PDE4D: variants seen among roughly 807,000 people sequenced by gnomAD.
The protein encoded by PDE4D is phosphodiesterase 4D, also known as 3',5'-cyclic-AMP phosphodiesterase 4D.
In PDE4D, 24 loss-of-function variants were observed where a neutral mutation model predicts 87.4. That is an observed-to-expected ratio of 0.27 (90% CI 0.20 to 0.39). PDE4D has a LOEUF of 0.39. Ranked by LOEUF, PDE4D falls within the 10% of genes least tolerant of loss-of-function variation. The pLI is 1.00. For synonymous variants in PDE4D, 384 were observed against 383.2 expected, an observed-to-expected ratio of 1.00 and a Z score of -0.02; for missense variants, 714 against 1,041.0, an observed-to-expected ratio of 0.69 and a Z score of 4.32.
intron 1 of PDE4D, among the ~76,000 whole-genome samples, chr5:60,341,922 A>G (rs4547892): frequency 0.25 from 37,301 of 152,178 alleles, 6,940 homozygotes; most frequent in African/African-American, 0.53. Flanking sequence ...GCAATAAGCA[A>G]TCCACTCACT....
intron 1 of PDE4D, among the ~76,000 whole-genome samples, chr5:60,501,081 T>C (rs1750050537): frequency 6.6e-6 from 1 of 152,148 alleles, no homozygotes; most frequent in Non-Finnish European, 1.5e-5. Flanking sequence ...ACATGTGCCA[T>C]GCTGGTGTGC....
At chr5:60,438,727 G>C (rs1161924474) in intron 1 of PDE4D, among the ~76,000 whole-genome samples, 1 of 152,046 alleles carries the variant, frequency 6.6e-6, no homozygotes, top group African/African-American at 2.4e-5. Context: ...ATGGTTAAAA[G>C]TGAGAAGAGG....
chr5:59,668,348 C>A (rs961331815), intron 1 of PDE4D, among the ~76,000 whole-genome samples: 1 of 152,192 alleles, frequency 6.6e-6, no homozygotes, highest in African/African-American at 2.4e-5. Flanking sequence ...TCACCACATG[C>A]AGATGAGGCT....
At chr5:60,156,185 C>T (rs1781961526) in intron 2 of PDE4D, among the ~76,000 whole-genome samples, 1 of 152,170 alleles carries the variant, frequency 6.6e-6, no homozygotes, top group Non-Finnish European at 1.5e-5. Context: ...TTCTGGGGGC[C>T]CTGCTGCCTT....
intron 8 of PDE4D, among the ~76,000 whole-genome samples, chr5:58,991,566 A>G (rs1454495944): frequency 6.6e-6 from 1 of 152,206 alleles, no homozygotes; most frequent in Non-Finnish European, 1.5e-5. Context: ...CCTAAAACCC[A>G]GAAGACATGA....
chr5:60,073,193 C>T (rs917549979), intron 2 of PDE4D, among the ~76,000 whole-genome samples: 9 of 152,094 alleles, frequency 5.9e-5, no homozygotes, highest in South Asian at 4.1e-4. Context: ...TCCTTCAGTA[C>T]CTAGGTGGTT....
intron 1 of PDE4D, among the ~76,000 whole-genome samples, chr5:60,207,451 G>A (rs1742680360): frequency 6.6e-6 from 1 of 152,188 alleles, no homozygotes; most frequent in African/African-American, 2.4e-5. Flanking sequence ...TGAATAACAT[G>A]GAGGGTAGTC....
intron 1 of PDE4D, among the ~76,000 whole-genome samples, chr5:59,574,073 TATATATATA>T (rs1822473233): frequency 1.3e-4 from 2 of 15,486 alleles, no homozygotes; most frequent in Admixed American, 2.9e-3. Context: ...TATATATATT[TATATATATA>T]TTTATATATA....
chr5:60,056,018 T>C (rs1448947104), intron 2 of PDE4D, among the ~76,000 whole-genome samples: 2 of 152,082 alleles, frequency 1.3e-5, no homozygotes, highest in Non-Finnish European at 2.9e-5. Context: ...TCTGTGTCCT[T>C]GCTGTATGAT....
At chr5:59,027,640 G>A (rs1377623215) in intron 6 of PDE4D, among the ~76,000 whole-genome samples, 2 of 152,032 alleles carry the variant, frequency 1.3e-5, no homozygotes, top group African/African-American at 4.8e-5. Context: ...TGGCCATTGG[G>A]AGCTCTTTCA....
At chr5:59,219,883 G>C (rs1581444266) in intron 1 of PDE4D, among the ~76,000 whole-genome samples, 1 of 152,084 alleles carries the variant, frequency 6.6e-6, no homozygotes, top group African/African-American at 2.4e-5. Context: ...GGGGGTGGAG[G>C]CCATCCAGCA....
chr5:59,878,375 T>G (rs942173448), intron 1 of PDE4D, among the ~76,000 whole-genome samples: 2 of 152,150 alleles, frequency 1.3e-5, no homozygotes, highest in African/African-American at 4.8e-5. Context: ...TTTCCCCCAC[T>G]CAAACAAGCT....
intron 1 of PDE4D, among the ~76,000 whole-genome samples, chr5:59,458,944 T>C (rs946211343): frequency 6.6e-6 from 1 of 152,206 alleles, no homozygotes; most frequent in Non-Finnish European, 1.5e-5. Flanking sequence ...AAAAATTAAC[T>C]ACGAAGTTGT....
chr5:59,112,903 C>T (rs1054491552), intron 5 of PDE4D, among the ~76,000 whole-genome samples: 1 of 151,486 alleles, frequency 6.6e-6, no homozygotes, highest in African/African-American at 2.4e-5. Context: ...CAGATTTAAG[C>T]GATTCTCCTG....
rs1759068012 is a variant in PDE4D, at chr5:59,958,177, AC to A, written c.272+30310del. ...ATGGCAAGAAACATGAATATAATAT[AC>A]AGTTTAACTGTGATATTTTATAATC... On this transcript the variant is annotated intron_variant, in intron 3 of 16. Coordinates refer to the PDE4D transcript ENST00000502484. Among the ~76,000 whole-genome samples the A allele has an allele frequency of 2.6e-5, 4 of 152,306 alleles. 1 individual carries two copies. In the South Asian group the frequency reaches 8.3e-4, roughly 32 times the overall value.
At chr5:60,425,481 T>C (rs934855567) in intron 1 of PDE4D, among the ~76,000 whole-genome samples, 9 of 152,348 alleles carry the variant, frequency 5.9e-5, no homozygotes, top group East Asian at 5.8e-4. Context: ...GCTAGCCATA[T>C]GTAGAAAGCT....
At chr5:59,994,866 T>C (rs1763374499) in intron 2 of PDE4D, among the ~76,000 whole-genome samples, 1 of 152,344 alleles carries the variant, frequency 6.6e-6, no homozygotes, top group Admixed American at 6.5e-5. Context: ...TTTCCATTCC[T>C]ATTAATTTCC....
intron 1 of PDE4D, among the ~76,000 whole-genome samples, chr5:60,264,091 T>C (rs553462238): frequency 1.3e-5 from 2 of 152,024 alleles, no homozygotes; most frequent in Non-Finnish European, 2.9e-5. Context: ...AAACCAGATG[T>C]GAACTTAACT....
intron 1 of PDE4D, among the ~76,000 whole-genome samples, chr5:59,383,157 G>A (rs1786239266): frequency 6.6e-6 from 1 of 152,128 alleles, no homozygotes; most frequent in African/African-American, 2.4e-5. Flanking sequence ...GTAAATTCAA[G>A]TGTTTCACTC....
Sources: gnomAD v4.1 joint callset for allele counts (sites outside exome capture counted in the v4.1 genomes callset) on GRCh38, gnomAD v4.1.1 for gene constraint, MANE v1.5 for transcripts, NCBI Gene and HGNC (gene_info 2026-07-23, HGNC 2026-07-21) for gene names.